IQANK1: variants seen among roughly 807,000 people sequenced by gnomAD.
The protein encoded by IQANK1 is IQ motif and ankyrin repeat containing 1, also known as IQ motif and ankyrin repeat domain-containing protein 1.
IQANK1 carries 30 observed loss-of-function variants against 22.6 expected under a neutral mutation model. The observed-to-expected ratio is 1.33, with a 90% CI of 0.99 to 1.80. The LOEUF is 1.80. IQANK1 is among the 40% of genes most tolerant of loss of function. IQANK1 has a pLI of 0.00. For missense variants in IQANK1, 275 were observed against 235.2 expected (o/e 1.17, Z -1.11); for synonymous variants, 122 against 99.6 (o/e 1.23, Z -1.34).
At position 143,789,065 on chromosome 8, in the gene IQANK1, C is replaced by A; in HGVS notation, c.938+2C>A. The A allele has an allele frequency of 2.5e-6, 1 of 401,068 alleles. No individual in the cohort carries two copies. Among genetic ancestry groups the A allele is most frequent in the Non-Finnish European group, 4.4e-6 (1 of 227,406 alleles). 24.8% of individuals were successfully genotyped at this position (401,068 alleles called of 1,614,324 possible). ...GGCCGAGGCTGAGCGGTGTGGAAGG[C>A]AGGAGGGGTGTGGGAGGTGCTGGCG... is the stretch of plus-strand genomic sequence containing the variant. On this transcript the variant is annotated splice_donor_variant, in intron 8 of 13. Coordinates refer to ENST00000527139, the MANE Select transcript of IQANK1 (RefSeq NM_001381874.1). LOFTEE classifies it high-confidence loss of function.
chr8:143,735,521 C>A lies in IQANK1; in HGVS notation c.-4-329C>A, dbSNP rs1201981526. On this transcript the variant is annotated intron_variant, in intron 1 of 13. Transcript: ENST00000527139. The surrounding 1 kb of genome is among the most constrained non-coding windows in gnomAD (Gnocchi z 5.2). ...AACAAAGACCGGCCCACTGGCAACC[C>A]AGCAGCTTGGGGCAGGGAGAAGAGT... Among the ~76,000 whole-genome samples, 2 of 152,140 alleles carry A rather than the reference C, an allele frequency of 1.3e-5. No homozygotes were observed. The highest frequency in any genetic ancestry group is 2.9e-5 in the Non-Finnish European group (2 of 68,010).
intron 7 of IQANK1, among the ~76,000 whole-genome samples, chr8:143,776,327 CAAAAAAA>C (rs57571355): frequency 2.8e-5 from 3 of 105,912 alleles, no homozygotes; most frequent in Admixed American, 1.1e-4. Context: ...GACTCCGTCT[CAAAAAAA>C]AAAAAAAAAA....
At chr8:143,779,772 C>G (rs987350383) in intron 7 of IQANK1, among the ~76,000 whole-genome samples, 3 of 152,194 alleles carry the variant, frequency 2.0e-5, no homozygotes, top group African/African-American at 7.2e-5. Flanking sequence ...TTTGAAGATT[C>G]ATGAGATAGT....
chr8:143,787,581 A>C (rs1262285677), intron 7 of IQANK1, among the ~76,000 whole-genome samples: 4 of 152,050 alleles, frequency 2.6e-5, no homozygotes, highest in African/African-American at 9.7e-5. Context: ...AGTTCTTCCC[A>C]GTTCTGCCCA....
intron 3 of IQANK1, among the ~76,000 whole-genome samples, chr8:143,769,972 G>A (rs1819543318): frequency 6.6e-6 from 1 of 152,296 alleles, no homozygotes; most frequent in African/African-American, 2.4e-5. Flanking sequence ...GTGCACAGGC[G>A]TGTGCCTGTG....
At chr8:143,776,743 G>C (rs371131190) in intron 7 of IQANK1, among the ~76,000 whole-genome samples, 1 of 152,120 alleles carries the variant, frequency 6.6e-6, no homozygotes, top group Admixed American at 6.6e-5. Flanking sequence ...TGGATCCCTC[G>C]TGGTAGTTAG....
At chr8:143,756,841 GGT>G (rs1432824084) in intron 3 of IQANK1, among the ~76,000 whole-genome samples, 1 of 151,660 alleles carries the variant, frequency 6.6e-6, no homozygotes, top group Non-Finnish European at 1.5e-5. Context: ...AGCTGGGTGT[GGT>G]GGTGCACACT....
At chr8:143,789,102 C>T (rs1037729569) in intron 8 of IQANK1, 39 bp downstream of exon 8, 3 of 401,514 alleles carry the variant, frequency 7.5e-6, no homozygotes, top group Non-Finnish European at 1.3e-5. Context: ...GGGGTGCTGG[C>T]AAGGGGCGCT....
intron 3 of IQANK1, among the ~76,000 whole-genome samples, chr8:143,756,349 AC>A (rs1425784157): frequency 6.6e-6 from 1 of 152,180 alleles, no homozygotes; most frequent in Non-Finnish European, 1.5e-5. Flanking sequence ...CTGTCTGAGA[AC>A]CAGGGCTGCT....
chr8:143,751,664 G>GTATGTATATATATATATATATA lies in IQANK1; in HGVS notation c.175+11719_175+11720insGTATATATATATATATATATAT, dbSNP rs1554628035. Among the ~76,000 whole-genome samples, 15 of 61,550 alleles carry GTATGTATATATATATATATATA rather than the reference G, an allele frequency of 2.4e-4. 1 individual carries two copies. The East Asian group carries it at 5.7e-3, about 23-fold the overall frequency. 40.4% of individuals were successfully genotyped at this position (61,550 alleles called of 152,430 possible). ...TGTGTGTGTGTGTGTGTGTGTGTGTGTATATATATATATAAAATCCTATAC... is the reference window on the plus strand; with the variant it reads ...TGTGTGTGTGTGTGTGTGTGTGTGTGTATGTATATATATATATATATATATATATATATATAAAATCCTATAC... On this transcript the variant is annotated intron_variant, in intron 3 of 13. Coordinates refer to ENST00000527139, the MANE Select transcript of IQANK1 (RefSeq NM_001381874.1).
chr8:143,751,677 T>TATATATATATAA (rs1402754222), intron 3 of IQANK1, among the ~76,000 whole-genome samples: 1 of 140,678 alleles, frequency 7.1e-6, no homozygotes, highest in Non-Finnish European at 1.5e-5. Flanking sequence ...TATATATATA[T>TATATATATATAA]AAAATCCTAT....
intron 3 of IQANK1, among the ~76,000 whole-genome samples, chr8:143,762,551 CA>C (rs1365794460): frequency 6.6e-6 from 1 of 152,148 alleles, no homozygotes; most frequent in African/African-American, 2.4e-5. Context: ...AAGATCATCT[CA>C]GGGGTGCTGA....
At chr8:143,763,434 C>T (rs1819430460) in intron 3 of IQANK1, among the ~76,000 whole-genome samples, 1 of 152,172 alleles carries the variant, frequency 6.6e-6, no homozygotes, top group Non-Finnish European at 1.5e-5. Flanking sequence ...GGTTTGGTCC[C>T]CTCCAAATCT....
intron 7 of IQANK1, among the ~76,000 whole-genome samples, chr8:143,785,715 A>G (rs1324041154): frequency 7.7e-6 from 1 of 130,268 alleles, no homozygotes; most frequent in African/African-American, 2.8e-5. Context: ...TTGAGCCACC[A>G]TGCCCAGCTA....
At chr8:143,751,256 A>C (rs1450685126) in intron 3 of IQANK1, among the ~76,000 whole-genome samples, 1 of 152,110 alleles carries the variant, frequency 6.6e-6, no homozygotes, top group Non-Finnish European at 1.5e-5. Flanking sequence ...ATCTAGGAAA[A>C]AAGTGGAGTT....
chr8:143,775,335 TACACACACACACACACACAG>T (rs1317751471), intron 7 of IQANK1, among the ~76,000 whole-genome samples: 1 of 147,616 alleles, frequency 6.8e-6, no homozygotes, highest in Non-Finnish European at 1.5e-5. Context: ...CCAGGCATGC[TACACACACACACACACACAG>T]ACACACACAC....
chr8:143,740,244 C>T (rs550707114), intron 3 of IQANK1, among the ~76,000 whole-genome samples: 1 of 152,114 alleles, frequency 6.6e-6, no homozygotes, highest in South Asian at 2.1e-4. Flanking sequence ...CGCCACTCGC[C>T]CTCGCGGGGG....
At chr8:143,780,741 G>T (rs1220720628) in intron 7 of IQANK1, among the ~76,000 whole-genome samples, 1 of 152,156 alleles carries the variant, frequency 6.6e-6, no homozygotes, top group Non-Finnish European at 1.5e-5. Flanking sequence ...GGGCATTTAG[G>T]TTGAGTCCAT....
At chr8:143,783,406 A>G (rs1336366176) in intron 7 of IQANK1, among the ~76,000 whole-genome samples, 1 of 152,104 alleles carries the variant, frequency 6.6e-6, no homozygotes. Context: ...ACCTGTTAGC[A>G]TTAGTGACCA....
Sources: allele counts gnomAD v4.1 joint callset (sites outside exome capture counted in the v4.1 genomes callset), GRCh38; gene constraint gnomAD v4.1.1; non-coding constraint Gnocchi (gnomAD v3.1); transcripts MANE v1.5; gene names NCBI Gene and HGNC (gene_info 2026-07-23, HGNC 2026-07-21).